The following SPRED2 variants were observed in gnomAD, a reference collection of about 807,000 sequenced individuals.
SPRED2 encodes sprouty related EVH1 domain containing 2, also known as sprouty-related, EVH1 domain-containing protein 2.
Under a neutral mutation model 43.0 loss-of-function variants are expected in SPRED2, and 47 were observed. The observed-to-expected ratio is 1.09, with a 90% CI of 0.87 to 1.40. The LOEUF is 1.40. Ranked by LOEUF, SPRED2 falls within the 40% of genes most tolerant of loss-of-function variation. The pLI is 0.00. For missense variants in SPRED2, 561 were observed against 586.4 expected (o/e 0.96, Z 0.45); for synonymous variants, 225 against 225.7 (o/e 1.00, Z 0.03).
chr2:65,381,822 ACTC>A (rs1168762066), intron 1 of SPRED2, among the ~76,000 whole-genome samples: 5 of 152,028 alleles, frequency 3.3e-5, no homozygotes, highest in African/African-American at 1.2e-4. Flanking sequence ...TCAACATGAG[ACTC>A]CTCCTTGCAA....
intron 1 of SPRED2, among the ~76,000 whole-genome samples, chr2:65,351,006 G>A (rs1344459586): frequency 6.6e-6 from 1 of 152,184 alleles, no homozygotes. Context: ...GTTACAGGTC[G>A]TGTCAGATCC....
chr2:65,309,849 C>T (rs183004129), downstream of SPRED2, among the ~76,000 whole-genome samples: 1 of 152,216 alleles, frequency 6.6e-6, no homozygotes, highest in East Asian at 1.9e-4. Context: ...TTGACTGTCG[C>T]CCACTTGTCA....
chr2:65,349,513 T>C (rs1674447945), intron 1 of SPRED2, among the ~76,000 whole-genome samples: 1 of 152,204 alleles, frequency 6.6e-6, no homozygotes, highest in South Asian at 2.1e-4. Context: ...TACTATGGGT[T>C]CATCTCAACA....
At chr2:65,345,264 T>TTG (rs1340077387) in intron 1 of SPRED2, among the ~76,000 whole-genome samples, 4 of 144,172 alleles carry the variant, frequency 2.8e-5, no homozygotes, top group Non-Finnish European at 6.1e-5. Flanking sequence ...TTGTTGTTTT[T>TTG]TTTTTTTTTT....
At chr2:65,387,910 C>T (rs1675538276) in intron 1 of SPRED2, among the ~76,000 whole-genome samples, 1 of 151,950 alleles carries the variant, frequency 6.6e-6, no homozygotes, top group Non-Finnish European at 1.5e-5. Context: ...CTCCTGCCTC[C>T]GCCTCCCAAG....
intron 1 of SPRED2, among the ~76,000 whole-genome samples, chr2:65,386,644 A>G (rs1190649824): frequency 6.6e-6 from 1 of 152,240 alleles, no homozygotes; most frequent in Non-Finnish European, 1.5e-5. Context: ...TCATCCTTAC[A>G]GTATGGCTTC....
chr2:65,416,005 G>A (rs1676264038), intron 1 of SPRED2, among the ~76,000 whole-genome samples: 1 of 152,176 alleles, frequency 6.6e-6, no homozygotes, highest in African/African-American at 2.4e-5. Context: ...AAGAGAGAGA[G>A]GAGGATCTTT....
intron 1 of SPRED2, among the ~76,000 whole-genome samples, chr2:65,398,165 C>T (rs1241819521): frequency 6.6e-6 from 1 of 152,178 alleles, no homozygotes; most frequent in African/African-American, 2.4e-5. Flanking sequence ...ACAAATGGTA[C>T]TGGGATAATT....
intron 1 of SPRED2, among the ~76,000 whole-genome samples, chr2:65,392,241 G>A (rs1675657298): frequency 6.9e-6 from 1 of 145,674 alleles, no homozygotes; most frequent in Non-Finnish European, 1.5e-5. Context: ...GTGCAGTGGT[G>A]CAATCATGGC....
intron 1 of SPRED2, among the ~76,000 whole-genome samples, chr2:65,424,244 C>A (rs1256995684): frequency 6.6e-6 from 1 of 152,080 alleles, no homozygotes; most frequent in Non-Finnish European, 1.5e-5. Flanking sequence ...CCACTACCAT[C>A]ATGGCAGCCT....
At chr2:65,399,126 C>T (rs546135642) in intron 1 of SPRED2, among the ~76,000 whole-genome samples, 17 of 151,738 alleles carry the variant, frequency 1.1e-4, no homozygotes, top group African/African-American at 3.1e-4. Context: ...AAAAATAAGC[C>T]GGGTGTGGTG....
At chr2:65,336,238 C>G (rs895795233) in intron 2 of SPRED2, among the ~76,000 whole-genome samples, 2 of 151,966 alleles carry the variant, frequency 1.3e-5, no homozygotes, top group Non-Finnish European at 2.9e-5. Flanking sequence ...ATCTGTAGTC[C>G]CAGCTACTCA....
chr2:65,394,396 T>G (rs1055942733), intron 1 of SPRED2, among the ~76,000 whole-genome samples: 1 of 152,180 alleles, frequency 6.6e-6, no homozygotes, highest in African/African-American at 2.4e-5. Flanking sequence ...TAGAGGCAGC[T>G]GTGAATGGAC....
At chr2:65,375,499 A>G (rs1328979627) in intron 1 of SPRED2, among the ~76,000 whole-genome samples, 2 of 152,192 alleles carry the variant, frequency 1.3e-5, no homozygotes, top group African/African-American at 4.8e-5. Flanking sequence ...AGGAGGGCTT[A>G]CCCACTCTCT....
rs117145336 is a variant in SPRED2 at position 65,372,599 on chromosome 2, G to A, written c.27-27703C>T. Among the ~76,000 whole-genome samples, 42 of 152,210 alleles carry A rather than the reference G, an allele frequency of 2.8e-4. No homozygotes were observed. In the East Asian group the frequency reaches 4.8e-3, roughly 18 times the overall value. On this transcript the variant is annotated intron_variant, in intron 1 of 5. Transcript: ENST00000356388. Reference sequence around the variant, plus strand: ...TCAGACCTGGTTGCAAACAGACCAAGTCTAGATCTAGAAGTGGAATTTGAA... The same window carrying A: ...TCAGACCTGGTTGCAAACAGACCAAATCTAGATCTAGAAGTGGAATTTGAA...
intron 1 of SPRED2, among the ~76,000 whole-genome samples, chr2:65,418,639 C>T (rs989344641): frequency 1.1e-4 from 16 of 151,966 alleles, no homozygotes; most frequent in African/African-American, 2.2e-4. Flanking sequence ...CTGCAACCTC[C>T]GTCTCCTGGG....
At chr2:65,362,527 C>T (rs1167631774) in intron 1 of SPRED2, among the ~76,000 whole-genome samples, 1 of 152,104 alleles carries the variant, frequency 6.6e-6, no homozygotes, top group Non-Finnish European at 1.5e-5. Flanking sequence ...ACCTCAGCCT[C>T]CCAAAGTGTT....
At chr2:65,323,278 A>T (rs920735276) in intron 4 of SPRED2, among the ~76,000 whole-genome samples, 10 of 152,174 alleles carry the variant, frequency 6.6e-5, no homozygotes, top group Admixed American at 2.6e-4. Context: ...TACAGGCATG[A>T]GCCACTGCAC....
intron 1 of SPRED2, among the ~76,000 whole-genome samples, chr2:65,387,908 TC>T (rs1208565810): frequency 6.6e-6 from 1 of 152,064 alleles, no homozygotes; most frequent in Non-Finnish European, 1.5e-5. Context: ...TTCTCCTGCC[TC>T]CGCCTCCCAA....
Sources: gnomAD v4.1 joint callset for allele counts (sites outside exome capture counted in the v4.1 genomes callset) on GRCh38, gnomAD v4.1.1 for gene constraint, MANE v1.5 for transcripts, NCBI Gene and HGNC (gene_info 2026-07-23, HGNC 2026-07-21) for gene names.